The following NAALADL2 variants were observed in gnomAD, a reference collection of about 807,000 sequenced individuals.
NAALADL2 encodes N-acetylated alpha-linked acidic dipeptidase like 2, also known as inactive N-acetylated-alpha-linked acidic dipeptidase-like protein 2.
NAALADL2 carries 76 observed loss-of-function variants against 87.2 expected under a neutral mutation model. The observed-to-expected ratio is 0.87, with a 90% confidence interval of 0.72 to 1.05. The LOEUF (loss-of-function observed/expected upper bound fraction) is 1.05, where lower values mean the gene tolerates loss of function less well. Ranked by LOEUF, NAALADL2 falls within the 50% of genes least tolerant of loss-of-function variation. The pLI is 0.00. For missense variants in NAALADL2, 1,089 were observed against 945.8 expected, an observed-to-expected ratio of 1.15 and a Z score of -1.99; for synonymous variants, 354 against 331.0, an observed-to-expected ratio of 1.07 and a Z score of -0.75.
intron 11 of NAALADL2, among the ~76,000 whole-genome samples, chr3:175,703,161 C>T (rs1739214330): frequency 6.6e-6 from 1 of 152,168 alleles, no homozygotes. Context: ...GAATTTCTCT[C>T]ATAAATAACT....
chr3:174,736,070 G>A (rs114619089), intron 2 of NAALADL2, among the ~76,000 whole-genome samples: 3,759 of 152,238 alleles, frequency 0.025, 49 homozygotes, highest in Middle Eastern at 0.048. Context: ...ACTGCAAGCC[G>A]CTTCCATGGC....
intron 3 of NAALADL2, among the ~76,000 whole-genome samples, chr3:174,808,246 A>AAT (rs1719733391): frequency 6.6e-6 from 1 of 152,090 alleles, no homozygotes. Flanking sequence ...CCTTTTTCAC[A>AAT]ATATAAAAAT....
chr3:175,786,432 T>C (rs1294626304), intron 13 of NAALADL2, among the ~76,000 whole-genome samples: 1 of 152,228 alleles, frequency 6.6e-6, no homozygotes, highest in East Asian at 1.9e-4. Context: ...ACTTCCCTTC[T>C]CCTTCATTTC....
intron 3 of NAALADL2, among the ~76,000 whole-genome samples, chr3:174,752,176 C>T (rs545887211): frequency 2.6e-5 from 4 of 152,028 alleles, no homozygotes; most frequent in Admixed American, 6.6e-5. Context: ...AGGGTTTCAC[C>T]GTTTTAGCCA....
intron 1 of NAALADL2, among the ~76,000 whole-genome samples, chr3:174,525,590 C>G (rs1056535801): frequency 1.1e-4 from 17 of 152,156 alleles, no homozygotes; most frequent in African/African-American, 3.9e-4. Context: ...TTGAGAGTCA[C>G]ATTTTACAGT....
At chr3:174,972,406 C>A (rs1035652367) in intron 1 of NAALADL2, among the ~76,000 whole-genome samples, 1 of 152,250 alleles carries the variant, frequency 6.6e-6, no homozygotes, top group South Asian at 2.1e-4. Context: ...ATCTAAGTAT[C>A]AGTAGGTTTT....
intron 3 of NAALADL2, among the ~76,000 whole-genome samples, chr3:175,237,902 A>G (rs964217523): frequency 3.3e-5 from 5 of 152,204 alleles, no homozygotes; most frequent in African/African-American, 1.2e-4. Flanking sequence ...ATGCACGCCT[A>G]TGTCTAAGGA....
At chr3:175,090,269 C>T (rs1719847254) in intron 1 of NAALADL2, among the ~76,000 whole-genome samples, 1 of 151,794 alleles carries the variant, frequency 6.6e-6, no homozygotes, top group Admixed American at 6.6e-5. Context: ...TAAATAATAC[C>T]AAGTGTTCAC....
At chr3:175,145,897 C>G (rs576040973) in intron 2 of NAALADL2, among the ~76,000 whole-genome samples, 1 of 152,066 alleles carries the variant, frequency 6.6e-6, no homozygotes, top group South Asian at 2.1e-4. Flanking sequence ...TATTAATAAA[C>G]CTCTTCTTTA....
chr3:175,238,270 T>G (rs1055785841), intron 3 of NAALADL2, among the ~76,000 whole-genome samples: 6 of 152,098 alleles, frequency 3.9e-5, no homozygotes, highest in African/African-American at 1.4e-4. Flanking sequence ...ACTGCCTTTT[T>G]TAAAATAAAG....
chr3:174,696,060 C>T (rs1215309326), intron 2 of NAALADL2, among the ~76,000 whole-genome samples: 3 of 151,948 alleles, frequency 2.0e-5, no homozygotes, highest in Non-Finnish European at 2.9e-5. Flanking sequence ...CTGGTTTAAC[C>T]CAATCCCGAT....
intron 2 of NAALADL2, among the ~76,000 whole-genome samples, chr3:174,715,713 C>G (rs1304695472): frequency 2.6e-5 from 4 of 152,044 alleles, no homozygotes; most frequent in Non-Finnish European, 1.5e-5. Flanking sequence ...TTTCCCAATC[C>G]TTTAAGGATG....
Position 174,839,689 on chromosome 3 carries a change from A to G in NAALADL2, c.-9+101943A>G, listed in dbSNP as rs746079661. Among the ~76,000 whole-genome samples the G allele has an allele frequency of 1.8e-4, 28 of 152,172 alleles. 1 individual carries two copies. Among genetic ancestry groups the G allele is most frequent in the Non-Finnish European group, 3.5e-4 (24 of 68,014 alleles). On this transcript the variant is annotated intron_variant, in intron 3 of 3. Coordinates refer to the NAALADL2 transcript ENST00000434257. ...TCCCATCAAAAAGTGGGCTAAGGAC[A>G]TGAATAGACAATTCTCAAAAGAAGA...
At chr3:175,236,302 A>G (rs9883392) in intron 3 of NAALADL2, among the ~76,000 whole-genome samples, 67,098 of 151,526 alleles carry the variant, frequency 0.44, 16,060 homozygotes, top group Non-Finnish European at 0.54. Context: ...ATCCCAGCAC[A>G]TTGGAGGCCG....
chr3:174,577,924 G>T lies in NAALADL2; in HGVS notation c.-115+27287G>T, dbSNP rs188545914. Among the ~76,000 whole-genome samples, 7 of 152,028 alleles carry T rather than the reference G, an allele frequency of 4.6e-5. No individual in the cohort carries two copies. The East Asian group carries it at 1.4e-3, about 29-fold the overall frequency. The stretch of plus-strand genomic sequence containing the variant: ...AGTGAAAAGATGGAGAATCAGAGCA[G>T]AGAAATAGAAACTATATGTTAAAAA... On this transcript the variant is annotated intron_variant, in intron 2 of 3. Transcript: ENST00000434257.
intron 1 of NAALADL2, among the ~76,000 whole-genome samples, chr3:174,444,939 T>G (rs942300188): frequency 1.3e-5 from 2 of 152,052 alleles, no homozygotes; most frequent in Non-Finnish European, 2.9e-5. Flanking sequence ...TTTGACAACA[T>G]TACTCATAGA....
chr3:175,038,405 A>T (rs1218169076), intron 1 of NAALADL2, among the ~76,000 whole-genome samples: 2 of 152,182 alleles, frequency 1.3e-5, no homozygotes, highest in Non-Finnish European at 2.9e-5. Flanking sequence ...GAACCACAAG[A>T]TTATGACCAA....
At chr3:175,005,557 T>A (rs1560466005) in intron 1 of NAALADL2, among the ~76,000 whole-genome samples, 1 of 152,096 alleles carries the variant, frequency 6.6e-6, no homozygotes, top group Non-Finnish European at 1.5e-5. Flanking sequence ...AAATAAACAA[T>A]AAAATATTGT....
intron 12 of NAALADL2, among the ~76,000 whole-genome samples, chr3:175,741,074 A>G (rs1745174305): frequency 1.3e-5 from 2 of 152,168 alleles, no homozygotes; most frequent in South Asian, 4.1e-4. Context: ...GGGAAGCACA[A>G]GGATTGAGGA....
Sources: allele counts gnomAD v4.1 joint callset (sites outside exome capture counted in the v4.1 genomes callset), GRCh38; gene constraint gnomAD v4.1.1; transcripts MANE v1.5; gene names NCBI Gene and HGNC (gene_info 2026-07-23, HGNC 2026-07-21).